Variants in MGAT4A observed in about 807,000 individuals in gnomAD.
MGAT4A encodes the protein alpha-1,3-mannosyl-glycoprotein 4-beta-N-acetylglucosaminyltransferase A.
In MGAT4A, 33 loss-of-function variants were observed where a neutral mutation model predicts 74.1. That is an observed-to-expected ratio of 0.45 (90% CI 0.34 to 0.60). The LOEUF is 0.60. Ranked by LOEUF, MGAT4A falls within the 20% of genes least tolerant of loss-of-function variation. The probability of loss-of-function intolerance (pLI) is 0.02; values close to 1 mark genes in which losing one functional copy is unlikely to be tolerated. For synonymous variants in MGAT4A, 198 were observed against 210.4 expected (o/e 0.94, Z 0.51); for missense variants, 479 against 628.3 (o/e 0.76, Z 2.54).
intron 4 of MGAT4A, among the ~76,000 whole-genome samples, chr2:98,674,560 T>C (rs1347002377): frequency 6.6e-6 from 1 of 152,200 alleles, no homozygotes; most frequent in Non-Finnish European, 1.5e-5. Context: ...AAGCTATATA[T>C]TATCTTTTGA....
intron 4 of MGAT4A, among the ~76,000 whole-genome samples, chr2:98,668,146 G>C (rs1194331364): frequency 6.6e-6 from 1 of 152,228 alleles, no homozygotes; most frequent in Non-Finnish European, 1.5e-5. Context: ...CATAAGTAAT[G>C]AGGAACTGAA....
intron 2 of MGAT4A, among the ~76,000 whole-genome samples, chr2:98,719,042 C>T (rs182617336): frequency 4.6e-5 from 7 of 152,268 alleles, no homozygotes; most frequent in South Asian, 2.1e-4. Flanking sequence ...TTTGCAACAG[C>T]GCCTGGAGAA....
chr2:98,715,568 T>C (rs774140809), intron 2 of MGAT4A, among the ~76,000 whole-genome samples: 2 of 152,100 alleles, frequency 1.3e-5, no homozygotes, highest in South Asian at 2.1e-4. Flanking sequence ...AAATACCCCA[T>C]GTCCTCATAA....
At chr2:98,713,019 A>G (rs1702539305) in intron 2 of MGAT4A, among the ~76,000 whole-genome samples, 1 of 151,748 alleles carries the variant, frequency 6.6e-6, no homozygotes, top group Admixed American at 6.6e-5. Flanking sequence ...TTTTTAAAAA[A>G]TTAGCCTGGT....
chr2:98,666,969 G>T (rs1701840401), intron 4 of MGAT4A, among the ~76,000 whole-genome samples: 1 of 152,146 alleles, frequency 6.6e-6, no homozygotes, highest in Non-Finnish European at 1.5e-5. Context: ...TCCTACGTGT[G>T]GTGGGAGGGA....
chr2:98,662,010 G>A (rs1701758143), intron 5 of MGAT4A, among the ~76,000 whole-genome samples: 1 of 152,150 alleles, frequency 6.6e-6, no homozygotes, highest in South Asian at 2.1e-4. Flanking sequence ...CCAAGTTCAT[G>A]AAAGACACAA....
chr2:98,625,870 C>T (rs140232102), intron 14 of MGAT4A, 35 bp from the exon 15 acceptor site: 27 of 1,446,960 alleles, frequency 1.9e-5, no homozygotes, highest in Middle Eastern at 1.8e-4. Flanking sequence ...TTGGATACAC[C>T]GAGATAAGCA....
At chr2:98,729,271 T>G (rs951917331) in intron 1 of MGAT4A, among the ~76,000 whole-genome samples, 1 of 152,214 alleles carries the variant, frequency 6.6e-6, no homozygotes, top group African/African-American at 2.4e-5. Flanking sequence ...AAAATATGCG[T>G]GTTTTACTCA....
chr2:98,694,301 G>A (rs140094145), intron 2 of MGAT4A: 2,003 of 153,382 alleles, frequency 0.013, 15 homozygotes, highest in Middle Eastern at 0.027. Flanking sequence ...TGACACCTCC[G>A]ACATGAAGCT....
intron 1 of MGAT4A, among the ~76,000 whole-genome samples, chr2:98,727,176 A>G (rs1380747227): frequency 3.9e-5 from 6 of 152,220 alleles, no homozygotes; most frequent in African/African-American, 1.4e-4. Context: ...GTCATAAAAT[A>G]AATGTCGTTT....
chr2:98,622,045 C>A lies in MGAT4A; in HGVS notation c.*3521G>T, dbSNP rs575093682. 1 of 985,468 alleles carries A rather than the reference C, an allele frequency of 1.0e-6. No individual in the cohort carries two copies. Among genetic ancestry groups the A allele is most frequent in the Admixed American group, 6.1e-5 (1 of 16,292 alleles). The allele number at this position is 985,468 out of a possible 1,614,324, so 61.0% of individuals were successfully genotyped here. A position where few individuals can be genotyped will look rare whatever the true frequency, so the allele number is the denominator to read the frequency against. On this transcript the variant is annotated 3_prime_UTR_variant, in exon 16 of 16. Coordinates refer to ENST00000393487, the MANE Select transcript of MGAT4A (RefSeq NM_012214.3). ...GTTCTGACTACACAGTATGGTACAG[C>A]GCGTGATGTGGAGAATGCATGAGAC... is the stretch of plus-strand genomic sequence containing the variant.
At chr2:98,709,555 T>C (rs549357960) in intron 2 of MGAT4A, among the ~76,000 whole-genome samples, 134 of 152,298 alleles carry the variant, frequency 8.8e-4, no homozygotes, top group South Asian at 3.3e-3. Context: ...ACCAACTTAA[T>C]GAAAGAACAA....
At position 98,625,371 on chromosome 2, in the gene MGAT4A, A is replaced by C; in HGVS notation, c.*195T>G. On this transcript the variant is annotated 3_prime_UTR_variant, in exon 16 of 16. Transcript: ENST00000393487. The stretch of plus-strand genomic sequence containing the variant: ...ATTGAAAAATGTTTGAGTCAAGTTA[A>C]AATCTGAGGACAGCTTAGTTTCAAA... 1.4e-6 allele frequency: 2 copies of C among 1,388,500 alleles called. No individual in the cohort carries two copies. The highest frequency in any genetic ancestry group is 1.9e-6 in the Non-Finnish European group (2 of 1,070,656). 86.0% of individuals were successfully genotyped at this position (1,388,500 alleles called of 1,614,324 possible).
intron 2 of MGAT4A, among the ~76,000 whole-genome samples, chr2:98,719,984 T>C (rs1279288742): frequency 1.3e-5 from 2 of 152,206 alleles, no homozygotes; most frequent in African/African-American, 4.8e-5. Flanking sequence ...TCAGCCATTA[T>C]AAATAAACTC....
intron 14 of MGAT4A, among the ~76,000 whole-genome samples, chr2:98,633,179 T>G (rs1170440955): frequency 1.3e-5 from 2 of 152,220 alleles, no homozygotes; most frequent in Non-Finnish European, 2.9e-5. Flanking sequence ...CTGCCCAGAT[T>G]CATCAGCTGC....
At chr2:98,711,255 T>G (rs1327501934) in intron 2 of MGAT4A, among the ~76,000 whole-genome samples, 1 of 131,452 alleles carries the variant, frequency 7.6e-6, no homozygotes, top group Non-Finnish European at 1.6e-5. Context: ...ACTAACAAGT[T>G]AATTTGGAAA....
chr2:98,729,735 G>C (rs1702817767), intron 1 of MGAT4A, among the ~76,000 whole-genome samples: 1 of 152,184 alleles, frequency 6.6e-6, no homozygotes, highest in Admixed American at 6.5e-5. Flanking sequence ...CCACGGCTGA[G>C]AACACTTTGC....
chr2:98,680,194 C>G (rs147862683), intron 2 of MGAT4A, among the ~76,000 whole-genome samples: 496 of 152,130 alleles, frequency 3.3e-3, no homozygotes, highest in African/African-American at 0.012. Flanking sequence ...CAGGCGCGCG[C>G]CACCACACCC....
chr2:98,622,075 A>G lies in MGAT4A; in HGVS notation c.*3491T>C. 1.0e-6 allele frequency: 1 copy of G among 985,496 alleles called. No homozygotes were observed. The highest frequency in any genetic ancestry group is 4.7e-5 in the South Asian group (1 of 21,290). The allele number at this position is 985,496 out of a possible 1,614,324, so 61.0% of individuals were successfully genotyped here. A position where few individuals can be genotyped will look rare whatever the true frequency, so the allele number is the denominator to read the frequency against. On this transcript the variant is annotated 3_prime_UTR_variant, in exon 16 of 16. Coordinates refer to ENST00000393487, the MANE Select transcript of MGAT4A (RefSeq NM_012214.3). Reference sequence around the variant, plus strand: ...GATGTGGAGAATGCATGAGACTAAGATAAAGAACTTAAGAAATCTTACATC... The same window carrying G: ...GATGTGGAGAATGCATGAGACTAAGGTAAAGAACTTAAGAAATCTTACATC...
Sources: allele counts gnomAD v4.1 joint callset (sites outside exome capture counted in the v4.1 genomes callset), GRCh38; gene constraint gnomAD v4.1.1; transcripts MANE v1.5; gene names NCBI Gene and HGNC (gene_info 2026-07-23, HGNC 2026-07-21).